Variants in FSIP1 observed in about 807,000 individuals in gnomAD.
The protein encoded by FSIP1 is fibrous sheath-interacting protein 1.
Under a neutral mutation model 60.9 loss-of-function variants are expected in FSIP1, and 65 were observed. That is an observed-to-expected ratio of 1.07 (90% CI 0.87 to 1.31). The LOEUF (loss-of-function observed/expected upper bound fraction) is 1.31. Among genes scored for constraint, FSIP1 ranks in the 40% most tolerant of loss-of-function variants. FSIP1 has a pLI of 0.00. For synonymous variants in FSIP1, 209 were observed against 221.2 expected (o/e 0.94, Z 0.49); for missense variants, 675 against 665.5 (o/e 1.01, Z -0.16).
intron 10 of FSIP1, among the ~76,000 whole-genome samples, chr15:39,633,099 T>TTTTTG (rs1312278272): frequency 9.5e-5 from 14 of 147,514 alleles, no homozygotes; most frequent in African/African-American, 3.5e-4. Flanking sequence ...TTCTTTTTTT[T>TTTTTG]TTTTTTTTTT....
At chr15:39,721,979 C>G (rs1031026972) in intron 9 of FSIP1, among the ~76,000 whole-genome samples, 1 of 152,168 alleles carries the variant, frequency 6.6e-6, no homozygotes, top group East Asian at 1.9e-4. Flanking sequence ...CCTGACCCCC[C>G]AGGCCATGGA....
At chr15:39,767,433 G>T (rs1897729746) in intron 3 of FSIP1, among the ~76,000 whole-genome samples, 2 of 152,212 alleles carry the variant, frequency 1.3e-5, no homozygotes, top group African/African-American at 4.8e-5. Context: ...TTTGAGACAG[G>T]AAGGGGACAG....
At chr15:39,610,999 G>T (rs59917450) in intron 11 of FSIP1, among the ~76,000 whole-genome samples, 7,549 of 152,218 alleles carry the variant, frequency 0.05, 636 homozygotes, top group African/African-American at 0.17. Flanking sequence ...GAAATAAAAG[G>T]CTCCTAATTG....
At chr15:39,651,003 G>A (rs1002123402) in intron 10 of FSIP1, among the ~76,000 whole-genome samples, 6 of 152,176 alleles carry the variant, frequency 3.9e-5, no homozygotes, top group African/African-American at 7.2e-5. Flanking sequence ...GTGCTCCTTC[G>A]TTTCCCAAGT....
intron 10 of FSIP1, among the ~76,000 whole-genome samples, chr15:39,701,044 T>TG (rs1895036875): frequency 6.6e-6 from 1 of 152,132 alleles, no homozygotes; most frequent in East Asian, 1.9e-4. Context: ...CCCAGCTATT[T>TG]GGGGGGCTGA....
intron 11 of FSIP1, among the ~76,000 whole-genome samples, chr15:39,615,242 A>G (rs1891181123): frequency 1.3e-5 from 2 of 152,088 alleles, no homozygotes; most frequent in Admixed American, 1.3e-4. Flanking sequence ...TTGAAGGCAC[A>G]GGCAAAAATA....
At position 39,741,261 on chromosome 15, in the gene FSIP1, T is replaced by C. The variant is rs143995134; in HGVS notation, c.655+544A>G. Reference sequence around the variant, plus strand: ...CTAATAAACAGTAGGGAAAACACATTGGGTTATCTGGCCAGAACTGTCTTC... The same window carrying C: ...CTAATAAACAGTAGGGAAAACACATCGGGTTATCTGGCCAGAACTGTCTTC... On this transcript the variant is annotated intron_variant, in intron 6 of 11. Coordinates refer to ENST00000350221, the MANE Select transcript of FSIP1 (RefSeq NM_152597.5). Among the ~76,000 whole-genome samples, 637 of 152,304 alleles carry C rather than the reference T, an allele frequency of 4.2e-3. 1 individual carries two copies. The highest frequency in any genetic ancestry group is 0.017 in the Middle Eastern group (5 of 294).
intron 5 of FSIP1, among the ~76,000 whole-genome samples, chr15:39,755,505 T>A (rs12911842): frequency 0.1 from 15,673 of 152,156 alleles, 953 homozygotes; most frequent in Middle Eastern, 0.24. Flanking sequence ...ATCACCATTT[T>A]GGAGAATGCA....
chr15:39,766,235 GA>G (rs1048026042), intron 3 of FSIP1, among the ~76,000 whole-genome samples: 1 of 152,108 alleles, frequency 6.6e-6, no homozygotes, highest in Admixed American at 6.5e-5. Context: ...CATATAGAAA[GA>G]AAAAAACTCA....
At chr15:39,699,066 T>C (rs1182958809) in intron 10 of FSIP1, among the ~76,000 whole-genome samples, 3 of 152,184 alleles carry the variant, frequency 2.0e-5, no homozygotes, top group African/African-American at 4.8e-5. Context: ...AGTGTATCTA[T>C]GCTCCAACTA....
At chr15:39,770,215 T>C (rs1388427165) in intron 3 of FSIP1, among the ~76,000 whole-genome samples, 1 of 152,176 alleles carries the variant, frequency 6.6e-6, no homozygotes, top group Non-Finnish European at 1.5e-5. Context: ...AATGACATAT[T>C]TTGTTATATT....
intron 10 of FSIP1, among the ~76,000 whole-genome samples, chr15:39,683,737 T>C (rs1452517884): frequency 6.6e-6 from 1 of 152,204 alleles, no homozygotes; most frequent in Non-Finnish European, 1.5e-5. Flanking sequence ...GTTCACAGGA[T>C]AAAGTTCAAC....
intron 10 of FSIP1, among the ~76,000 whole-genome samples, chr15:39,653,679 C>G (rs2898685): frequency 6.6e-6 from 1 of 151,924 alleles, no homozygotes; most frequent in African/African-American, 2.4e-5. Flanking sequence ...CTCATAACAG[C>G]GAATGAGTCT....
At chr15:39,624,644 C>G (rs1021039567) in intron 10 of FSIP1, among the ~76,000 whole-genome samples, 3 of 152,176 alleles carry the variant, frequency 2.0e-5, no homozygotes, top group African/African-American at 7.2e-5. Flanking sequence ...CCTTCCCTCC[C>G]TTTTCCATTC....
rs559150903 is a variant in FSIP1, at chr15:39,740,355, G to A, written c.656-566C>T. Among the ~76,000 whole-genome samples the A allele has an allele frequency of 1.1e-4, 17 of 152,278 alleles. No individual in the cohort carries two copies. The South Asian group carries it at 3.5e-3, about 32-fold the overall frequency. On this transcript the variant is annotated intron_variant, in intron 6 of 11. Coordinates refer to ENST00000350221, the MANE Select transcript of FSIP1 (RefSeq NM_152597.5). ...AATTTTCCTCAACCTTTTGGAAGAG[G>A]CTTGAGTCAATGTCTGAGATATTCA...
Position 39,624,052 on chromosome 15 carries a change from G to A in FSIP1, c.1189-5807C>T, listed in dbSNP as rs375603614. ...AGATAACCTGGTTGGTCACTGGCCA[G>A]GTTGATGGACTGCCTGTGTCAGGTT... On this transcript the variant is annotated intron_variant, in intron 10 of 11. Coordinates refer to ENST00000350221, the MANE Select transcript of FSIP1 (RefSeq NM_152597.5). Among the ~76,000 whole-genome samples the A allele has an allele frequency of 2.8e-4, 42 of 152,268 alleles. No individual in the cohort carries two copies. The East Asian group carries it at 7.3e-3, about 27-fold the overall frequency.
At chr15:39,710,380 G>A (rs1179255089) in intron 10 of FSIP1, among the ~76,000 whole-genome samples, 1 of 150,780 alleles carries the variant, frequency 6.6e-6, no homozygotes, top group Admixed American at 6.6e-5. Context: ...CTACTCAGGA[G>A]GCTGAGGTGG....
intron 10 of FSIP1, among the ~76,000 whole-genome samples, chr15:39,621,733 C>T (rs1053807169): frequency 2.6e-5 from 4 of 152,124 alleles, no homozygotes; most frequent in East Asian, 1.9e-4. Context: ...ATATCAATCC[C>T]GAACTCTTAT....
At chr15:39,775,680 G>A (rs950060246) in intron 2 of FSIP1, among the ~76,000 whole-genome samples, 2 of 152,136 alleles carry the variant, frequency 1.3e-5, no homozygotes, top group Non-Finnish European at 2.9e-5. Context: ...AAATTTGGTT[G>A]TTTGAAAGTG....
Sources: gnomAD v4.1 joint callset for allele counts (sites outside exome capture counted in the v4.1 genomes callset) on GRCh38, gnomAD v4.1.1 for gene constraint, MANE v1.5 for transcripts, NCBI Gene and HGNC (gene_info 2026-07-23, HGNC 2026-07-21) for gene names.